Variants in SLC9C1 observed in about 807,000 individuals in gnomAD.
SLC9C1 encodes the protein sodium/hydrogen exchanger 10.
Under a neutral mutation model 140.9 loss-of-function variants are expected in SLC9C1, and 97 were observed. The observed-to-expected ratio is 0.69, with a 90% CI of 0.58 to 0.82. SLC9C1 has a LOEUF of 0.82. Ranked by LOEUF, SLC9C1 falls within the 40% of genes least tolerant of loss-of-function variation. SLC9C1 has a pLI of 0.00. For missense variants in SLC9C1, 1,340 were observed against 1,389.3 expected, an observed-to-expected ratio of 0.96 and a Z score of 0.56; for synonymous variants, 440 against 442.6, an observed-to-expected ratio of 0.99 and a Z score of 0.07.
chr3:112,202,875 G>A (rs1017706079), intron 17 of SLC9C1, among the ~76,000 whole-genome samples: 2 of 151,864 alleles, frequency 1.3e-5, no homozygotes, highest in Non-Finnish European at 2.9e-5. Flanking sequence ...CTTTGCTGAG[G>A]GTTGAAGTCT....
At chr3:112,240,450 G>A (rs2079111267) in intron 11 of SLC9C1, among the ~76,000 whole-genome samples, 1 of 152,232 alleles carries the variant, frequency 6.6e-6, no homozygotes, top group Admixed American at 6.5e-5. Context: ...GTTTTTGGAT[G>A]AGGGTGACAT....
At chr3:112,224,761 A>G (rs1411127266) in intron 13 of SLC9C1, among the ~76,000 whole-genome samples, 1 of 151,872 alleles carries the variant, frequency 6.6e-6, no homozygotes, top group Admixed American at 6.6e-5. Context: ...GAAAGAAAAA[A>G]GAGAAAAAGA....
intron 26 of SLC9C1, among the ~76,000 whole-genome samples, chr3:112,159,362 G>A (rs1031891860): frequency 1.3e-5 from 2 of 151,848 alleles, no homozygotes; most frequent in African/African-American, 4.8e-5. Flanking sequence ...TCCCATTGGG[G>A]TCAGTTTCCA....
At chr3:112,142,717 A>T (rs560615644) in intron 28 of SLC9C1, among the ~76,000 whole-genome samples, 7 of 151,858 alleles carry the variant, frequency 4.6e-5, no homozygotes, top group African/African-American at 1.4e-4. Context: ...GGGCAATAAT[A>T]AAAAAAAATC....
chr3:112,189,407 T>A (rs965705586), intron 20 of SLC9C1, among the ~76,000 whole-genome samples: 1 of 152,260 alleles, frequency 6.6e-6, no homozygotes, highest in Non-Finnish European at 1.5e-5. Context: ...AATTTTTGTA[T>A]AAGATGTAAG....
chr3:112,198,435 A>G (rs2077820898), intron 20 of SLC9C1, among the ~76,000 whole-genome samples: 1 of 151,858 alleles, frequency 6.6e-6, no homozygotes, highest in East Asian at 1.9e-4. Context: ...TGACTTGGAT[A>G]AGACCTCCAG....
At chr3:112,266,718 G>C (rs1424029601) in intron 7 of SLC9C1, among the ~76,000 whole-genome samples, 9 of 152,178 alleles carry the variant, frequency 5.9e-5, no homozygotes, top group Admixed American at 5.9e-4. Flanking sequence ...TAGTTAATAA[G>C]TAAAAATTGA....
chr3:112,283,843 CAAAAAAAA>C (rs386397631), intron 2 of SLC9C1, among the ~76,000 whole-genome samples: 1 of 111,970 alleles, frequency 8.9e-6, no homozygotes, highest in Non-Finnish European at 1.8e-5. Flanking sequence ...AATCACTGTG[CAAAAAAAA>C]AAAAAAAAAG....
chr3:112,223,211 C>G (rs1337809612), intron 13 of SLC9C1, among the ~76,000 whole-genome samples: 1 of 152,086 alleles, frequency 6.6e-6, no homozygotes, highest in Non-Finnish European at 1.5e-5. Flanking sequence ...GGTGGTGTCC[C>G]TCTGTAGCCC....
intron 10 of SLC9C1, 44 bp downstream of exon 10, chr3:112,262,880 T>G: frequency 6.9e-7 from 1 of 1,439,612 alleles, no homozygotes; most frequent in Non-Finnish European, 9.2e-7. Context: ...TACACAGTAA[T>G]AGTTTTATAC....
At chr3:112,239,565 C>T (rs2079084815) in intron 12 of SLC9C1, among the ~76,000 whole-genome samples, 1 of 152,196 alleles carries the variant, frequency 6.6e-6, no homozygotes, top group African/African-American at 2.4e-5. Context: ...GAGCTGTACA[C>T]TGGAGCTGTT....
chr3:112,243,893 T>C, intron 11 of SLC9C1, 102 bp downstream of exon 11: 1 of 762,448 alleles, frequency 1.3e-6, no homozygotes, highest in Admixed American at 3.1e-5. Context: ...GGTCTCACTA[T>C]GTTGCCTAGG....
chr3:112,164,100 C>A (rs1240167587), intron 26 of SLC9C1, among the ~76,000 whole-genome samples: 2 of 151,824 alleles, frequency 1.3e-5, no homozygotes, highest in African/African-American at 4.8e-5. Context: ...GCAACCCCTG[C>A]CTTTTTTTGT....
chr3:112,275,895 T>C (rs2080200504), intron 5 of SLC9C1, among the ~76,000 whole-genome samples: 1 of 137,392 alleles, frequency 7.3e-6, no homozygotes, highest in Non-Finnish European at 1.6e-5. Context: ...TGTTTTTTTA[T>C]GAGACTCGAT....
chr3:112,200,565 G>C, intron 19 of SLC9C1, 146 bp downstream of exon 19: 1 of 666,028 alleles, frequency 1.5e-6, no homozygotes, highest in Non-Finnish European at 2.6e-6. Context: ...TAGAAAATAA[G>C]ATTGCATTGA....
intron 4 of SLC9C1, 57 bp downstream of exon 4, chr3:112,278,672 G>A (rs530743799): frequency 6.6e-7 from 1 of 1,506,888 alleles, no homozygotes; most frequent in Admixed American, 2.4e-5. Flanking sequence ...TTAAAAATTT[G>A]AACATAGATA....
At chr3:112,252,909 T>A (rs1471823427) in intron 10 of SLC9C1, among the ~76,000 whole-genome samples, 2 of 152,022 alleles carry the variant, frequency 1.3e-5, no homozygotes, top group African/African-American at 4.8e-5. Context: ...TGGCAAAATG[T>A]CTGTACCTCC....
intron 10 of SLC9C1, among the ~76,000 whole-genome samples, chr3:112,246,237 C>T (rs1297164280): frequency 6.6e-6 from 1 of 152,116 alleles, no homozygotes; most frequent in South Asian, 2.1e-4. Context: ...TCTGTACAAT[C>T]GCTGCTTAGC....
rs1465999619 is a variant in SLC9C1 at position 112,269,901 on chromosome 3, AGGCCCC to A, written c.775+9_775+14del. 1 of 1,477,646 alleles carries A rather than the reference AGGCCCC, an allele frequency of 6.8e-7. No individual in the cohort carries two copies. The highest frequency in any genetic ancestry group is 2.5e-5 in the East Asian group (1 of 39,776). 91.5% of individuals were successfully genotyped at this position (1,477,646 alleles called of 1,614,324 possible). On this transcript the variant is annotated intron_variant, in intron 7 of 28. Coordinates refer to ENST00000305815, the MANE Select transcript of SLC9C1 (RefSeq NM_183061.3). ...TTCTATGTGATTTTATTTTAGGCAT[AGGCCCC>A]TCACTTACAAATATAAAAGATGAGA... is the stretch of plus-strand genomic sequence containing the variant.
Sources: gnomAD v4.1 joint callset for allele counts (sites outside exome capture counted in the v4.1 genomes callset) on GRCh38, gnomAD v4.1.1 for gene constraint, MANE v1.5 for transcripts, NCBI Gene and HGNC (gene_info 2026-07-23, HGNC 2026-07-21) for gene names.